Variants in SFI1 observed in about 807,000 individuals in gnomAD.
SFI1 encodes the protein protein SFI1 homolog.
A neutral mutation model predicts 207.5 loss-of-function variants in SFI1; 195 were observed. The observed-to-expected ratio is 0.94, with a 90% confidence interval of 0.84 to 1.06. SFI1 has a LOEUF of 1.06. SFI1 is among the 50% of genes least tolerant of loss of function. The pLI, the probability that SFI1 is intolerant of heterozygous loss-of-function variation, is 0.00. For synonymous variants in SFI1, 630 were observed against 598.9 expected, an observed-to-expected ratio of 1.05 and a Z score of -0.76; for missense variants, 1,634 against 1,588.0, an observed-to-expected ratio of 1.03 and a Z score of -0.49.
intron 24 of SFI1, chr22:31,612,401 ATATATATAT>A (rs2070462113): frequency 6.4e-5 from 4 of 62,992 alleles, no homozygotes; most frequent in South Asian, 5.4e-4. Context: ...AAAAAAAAAT[ATATATATAT>A]ATATATATAT....
intron 7 of SFI1, among the ~76,000 whole-genome samples, chr22:31,560,882 A>G (rs1189250967): frequency 6.6e-6 from 1 of 151,718 alleles, no homozygotes; most frequent in African/African-American, 2.4e-5. Context: ...TTGTATTTTT[A>G]ATAGAGACAG....
chr22:31,606,063 C>T, intron 20 of SFI1: 1 of 430,654 alleles, frequency 2.3e-6, no homozygotes, highest in Non-Finnish European at 4.2e-6. Flanking sequence ...CTGGTTATGC[C>T]CTGTTATCCC....
chr22:31,610,580 A>C (rs1373253319), intron 22 of SFI1, among the ~76,000 whole-genome samples: 1 of 152,244 alleles, frequency 6.6e-6, no homozygotes, highest in African/African-American at 2.4e-5. Context: ...CAAAGGGAGA[A>C]TCTGGTGACA....
chr22:31,499,026 T>C (rs1760488892), intron 1 of SFI1, among the ~76,000 whole-genome samples: 1 of 151,658 alleles, frequency 6.6e-6, no homozygotes, highest in Admixed American at 6.6e-5. Flanking sequence ...TACTTTTGTT[T>C]TCAGACAGGG....
At chr22:31,544,126 T>C (rs2059859054) in intron 4 of SFI1, among the ~76,000 whole-genome samples, 1 of 152,072 alleles carries the variant, frequency 6.6e-6, no homozygotes, top group Non-Finnish European at 1.5e-5. Context: ...GAGGTGGAGA[T>C]TACAGTGAGC....
rs1177345226 is a variant in SFI1 at position 31,568,775 on chromosome 22, C to T, written c.766-4283C>T. ...TCAGGAACCAATTTGGAAGGGTTCCCAGGGCTTAAGATAGAAAAGTTTGAG... is the reference window on the plus strand; with the variant it reads ...TCAGGAACCAATTTGGAAGGGTTCCTAGGGCTTAAGATAGAAAAGTTTGAG... On this transcript the variant is annotated intron_variant, in intron 8 of 32. Coordinates refer to ENST00000400288, the MANE Select transcript of SFI1 (RefSeq NM_001007467.3). 2.0e-5 allele frequency among the ~76,000 whole-genome samples: 3 copies of T among 151,860 alleles called. No homozygotes were observed. In the East Asian group the frequency reaches 5.8e-4, roughly 29 times the overall value.
rs966799938 is a variant in SFI1 at position 31,604,946 on chromosome 22, G to T, written c.2054+1G>T. 3.1e-6 allele frequency: 5 copies of T among 1,604,186 alleles called. No individual in the cohort carries two copies. In the African/African-American group the frequency reaches 4.0e-5, roughly 13 times the overall value. ...GCCAGCACAACAGGCAGCTGCTGCG[G>T]TGAGTCTCCCGGGCGCCTCCCAAGC... is the stretch of plus-strand genomic sequence containing the variant. On this transcript the variant is annotated splice_donor_variant, in intron 20 of 32. Transcript: ENST00000400288. LOFTEE classifies it high-confidence loss of function.
In SFI1 at chr22:31,613,822, G is replaced by C. The variant is rs71331296; in HGVS notation, c.2963G>C (p.Arg988Pro). ...QASRPLGALG[R>P]LAAEEPHALE... ...TCTCGGCCTCTGGGAGCTCTGGGCC[G>C]CCTGGCTGCTGAGGAGCCCCACGCC... Residue 988 changes from arginine to proline, a missense_variant, in exon 27 of 33, where the codon CGC becomes CCC. Transcript: ENST00000400288. The C allele has an allele frequency of 6.2e-7, 1 of 1,609,064 alleles. No individual in the cohort carries two copies. Among genetic ancestry groups the C allele is most frequent in the African/African-American group, 1.3e-5 (1 of 74,808 alleles).
intron 3 of SFI1, among the ~76,000 whole-genome samples, chr22:31,529,219 G>T (rs946629004): frequency 6.6e-6 from 1 of 152,076 alleles, no homozygotes; most frequent in Non-Finnish European, 1.5e-5. Flanking sequence ...TGCTACTCTC[G>T]ATTAGATATA....
intron 1 of SFI1, among the ~76,000 whole-genome samples, chr22:31,497,671 AAGCTAGAAATGACG>A (rs1170992370): frequency 1.4e-3 from 19 of 14,036 alleles, no homozygotes; most frequent in Admixed American, 2.8e-3. Context: ...AGAAATGACG[AAGCTAGAAATGACG>A]AAGCTAGAAA....
chr22:31,509,649 A>C (rs2055198778), intron 2 of SFI1, among the ~76,000 whole-genome samples: 2 of 152,218 alleles, frequency 1.3e-5, no homozygotes, highest in Non-Finnish European at 2.9e-5. Context: ...CAACGCCCAG[A>C]TACACCCAGA....
At chr22:31,530,171 CAAAAAAAAAAAAAAAAA>C (rs1162482504) in intron 3 of SFI1, among the ~76,000 whole-genome samples, 4 of 12,104 alleles carry the variant, frequency 3.3e-4, no homozygotes, top group Admixed American at 2.3e-3. Flanking sequence ...GACTCCATCT[CAAAAAAAAAAAAAAAAA>C]AAAAAAAAAA....
chr22:31,502,319 T>A (rs900076995), intron 1 of SFI1, among the ~76,000 whole-genome samples: 2 of 152,114 alleles, frequency 1.3e-5, no homozygotes, highest in Non-Finnish European at 2.9e-5. Flanking sequence ...ATCAATGACA[T>A]TAAGTGAGGA....
At chr22:31,576,436 T>C (rs527624938) in intron 10 of SFI1, among the ~76,000 whole-genome samples, 83 of 152,072 alleles carry the variant, frequency 5.5e-4, no homozygotes, top group Non-Finnish European at 8.8e-5. Flanking sequence ...TTGTCCTGTC[T>C]CAGCCTCCTG....
chr22:31,598,607 G>A (rs990831744), intron 15 of SFI1, among the ~76,000 whole-genome samples: 8 of 147,372 alleles, frequency 5.4e-5, no homozygotes, highest in African/African-American at 2.0e-4. Context: ...TTTTAGTAGA[G>A]ACGGGGTTTC....
At chr22:31,538,778 TCTC>T (rs1471366099) in intron 4 of SFI1, among the ~76,000 whole-genome samples, 1 of 152,106 alleles carries the variant, frequency 6.6e-6, no homozygotes, top group Non-Finnish European at 1.5e-5. Flanking sequence ...CCCTTCTAAC[TCTC>T]CTTTGTTGAT....
chr22:31,578,099 A>G (rs528448724), intron 10 of SFI1: 1 of 249,326 alleles, frequency 4.0e-6, no homozygotes, highest in East Asian at 7.5e-5. Flanking sequence ...TGATTTCTAA[A>G]TGTTTACTGA....
At chr22:31,520,587 C>A (rs1470472895) in intron 2 of SFI1, among the ~76,000 whole-genome samples, 1 of 151,910 alleles carries the variant, frequency 6.6e-6, no homozygotes, top group Non-Finnish European at 1.5e-5. Flanking sequence ...GGTATGACTT[C>A]TATTGCCAGA....
At chr22:31,595,032 T>A (rs2066891041) in intron 15 of SFI1, among the ~76,000 whole-genome samples, 1 of 152,114 alleles carries the variant, frequency 6.6e-6, no homozygotes, top group African/African-American at 2.4e-5. Context: ...AGTCTTGTCC[T>A]TTCGCCCAGG....
Sources: gnomAD v4.1 joint callset for allele counts (sites outside exome capture counted in the v4.1 genomes callset) on GRCh38, gnomAD v4.1.1 for gene constraint, MANE v1.5 for transcripts, NCBI Gene and HGNC (gene_info 2026-07-23, HGNC 2026-07-21) for gene names.